Variants in UPK3A observed in about 807,000 individuals in gnomAD.
UPK3A encodes uroplakin-3a.
Under a neutral mutation model 27.6 loss-of-function variants are expected in UPK3A, and 32 were observed. That is an observed-to-expected ratio of 1.16 (90% CI 0.87 to 1.55). The LOEUF (loss-of-function observed/expected upper bound fraction) is 1.55. Among genes scored for constraint, UPK3A ranks in the 40% most tolerant of loss-of-function variants. The pLI is 0.00. For synonymous variants in UPK3A, 171 were observed against 163.9 expected (o/e 1.04, Z -0.33); for missense variants, 370 against 367.9 (o/e 1.01, Z -0.05).
intron 2 of UPK3A, among the ~76,000 whole-genome samples, chr22:45,286,723 C>G (rs2084120673): frequency 6.6e-6 from 1 of 152,162 alleles, no homozygotes; most frequent in African/African-American, 2.4e-5. Context: ...TCTCCGGGCA[C>G]TGTAGGGAAT....
At chr22:45,294,685 C>T (rs1055532747) in intron 5 of UPK3A, among the ~76,000 whole-genome samples, 1 of 152,136 alleles carries the variant, frequency 6.6e-6, no homozygotes, top group Non-Finnish European at 1.5e-5. Context: ...CCTAATCTGG[C>T]ACTGAAGACC....
At chr22:45,287,824 G>A (rs573532673) in intron 3 of UPK3A, among the ~76,000 whole-genome samples, 13 of 152,074 alleles carry the variant, frequency 8.5e-5, no homozygotes, top group African/African-American at 1.4e-4. Context: ...CACCATGCCC[G>A]GCTAATTTTT....
At chr22:45,288,953 C>T (rs1161878788) in intron 3 of UPK3A, 108 bp from the exon 4 acceptor site, 7 of 1,025,700 alleles carry the variant, frequency 6.8e-6, no homozygotes, top group Non-Finnish European at 1.1e-5. Context: ...CTGGAAGGGC[C>T]CCCGCTGCCG....
At position 45,287,553 on chromosome 22, in the gene UPK3A, A is replaced by G. The variant is rs2084128236; in HGVS notation, c.488+102A>G. 3.5e-6 allele frequency: 5 copies of G among 1,443,624 alleles called. No individual in the cohort carries two copies. In the East Asian group the frequency reaches 9.9e-5, roughly 29 times the overall value. 89.4% of individuals were successfully genotyped at this position (1,443,624 alleles called of 1,614,324 possible). ...GAGCAGCCACACTTCTTGAGAACTT[A>G]TATGCTGAGAACATCCCAGGTTCCA... On this transcript the variant is annotated intron_variant, in intron 3 of 5. Coordinates refer to ENST00000216211, the MANE Select transcript of UPK3A (RefSeq NM_006953.4).
rs550543247 is a variant in UPK3A, at chr22:45,293,045, A to T, written c.572-136A>T. The T allele has an allele frequency of 8.5e-6, 11 of 1,286,680 alleles. No individual in the cohort carries two copies. In the Admixed American group the frequency reaches 2.2e-4, roughly 26 times the overall value. The allele number at this position is 1,286,680 out of a possible 1,614,324, so 79.7% of individuals were successfully genotyped here. ...AAGGTAATTGTGCCTAAAACCTGAG[A>T]GAAGTCGCCCCACTGGGTCCCAGGG... On this transcript the variant is annotated intron_variant, in intron 4 of 5. Transcript: ENST00000216211.
intron 3 of UPK3A, among the ~76,000 whole-genome samples, chr22:45,288,453 C>T (rs575394791): frequency 6.6e-6 from 1 of 152,340 alleles, no homozygotes; most frequent in Admixed American, 6.5e-5. Context: ...CCGCCTCAGC[C>T]TCCCAAAGTG....
chr22:45,287,307 G>C lies in UPK3A; in HGVS notation c.344G>C (p.Ser115Thr). The change falls in exon 3 of 6, where the codon AGC (serine) becomes ACC (threonine). Residue 115 changes from serine (S) to threonine (T), a missense_variant. Ser to Thr is a moderately conservative substitution (Grantham distance 58). Transcript: ENST00000216211. ...FDLIPCSDLP[S>T]LDAIGDVSKA... ...CTGATCCCCTGCAGTGACCTGCCCA[G>C]CCTGGATGCCATTGGGGATGTGTCC... 1 of 1,614,226 alleles carries C rather than the reference G, an allele frequency of 6.2e-7. No homozygotes were observed. Among genetic ancestry groups the C allele is most frequent in the Non-Finnish European group, 8.5e-7 (1 of 1,180,036 alleles).
intron 3 of UPK3A, among the ~76,000 whole-genome samples, chr22:45,288,553 G>A (rs968846132): frequency 4.6e-5 from 7 of 152,008 alleles, no homozygotes; most frequent in Non-Finnish European, 7.4e-5. Flanking sequence ...GGCTGGTCTC[G>A]AGCCCCTGAC....
In UPK3A at chr22:45,289,078, T is replaced by A. The variant is rs1434361973; in HGVS notation, c.506T>A (p.Val169Asp). The change falls in exon 4 of 6, where the codon GTC becomes GAC. Residue 169 changes from valine (V) to aspartate (D), a missense_variant. By Grantham distance (152) the Val-to-Asp change is radical. Coordinates refer to ENST00000216211, the MANE Select transcript of UPK3A (RefSeq NM_006953.4). ...ATEYRFKYVL[V>D]NMSTGLVEDQ... ...CCTTCCAGGTTCAAGTATGTCCTGG[T>A]CAATATGTCCACGGGCTTGGTAGAG... The A allele has an allele frequency of 3.7e-6, 6 of 1,613,812 alleles. No individual in the cohort carries two copies. Among genetic ancestry groups the A allele is most frequent in the South Asian group, 1.1e-5 (1 of 91,076 alleles).
At chr22:45,288,264 C>T (rs1213612362) in intron 3 of UPK3A, among the ~76,000 whole-genome samples, 2 of 151,816 alleles carry the variant, frequency 1.3e-5, no homozygotes, top group Non-Finnish European at 2.9e-5. Context: ...GGTGCAATCT[C>T]GGCTCACCAC....
Position 45,286,102 on chromosome 22 carries a change from G to T in UPK3A, c.208+6G>T, listed in dbSNP as rs1601846505. 6.2e-7 allele frequency: 1 copy of T among 1,613,938 alleles called. No homozygotes were observed. Among genetic ancestry groups the T allele is most frequent in the Non-Finnish European group, 8.5e-7 (1 of 1,179,972 alleles). On this transcript the variant is annotated splice_donor_region_variant and intron_variant, in intron 2 of 5. Coordinates refer to ENST00000216211, the MANE Select transcript of UPK3A (RefSeq NM_006953.4). ...GTATGTCCTGGTCGACTCAGGTAAGGGTCCTGCTTCCCTCTGGCTACTCCA... is the reference window on the plus strand; with the variant it reads ...GTATGTCCTGGTCGACTCAGGTAAGTGTCCTGCTTCCCTCTGGCTACTCCA...
intron 4 of UPK3A, 60 bp downstream of exon 4, chr22:45,289,203 CACGGCGG>C (rs2084141776): frequency 8.3e-6 from 13 of 1,563,190 alleles, no homozygotes; most frequent in Non-Finnish European, 1.1e-5. Context: ...CGGGGCCAGC[CACGGCGG>C]TGAGAACCAA....
At position 45,295,553 on chromosome 22, in the gene UPK3A, T is replaced by C. The variant is rs371162760; in HGVS notation, c.705-7T>C. 2.2e-4 allele frequency: 349 copies of C among 1,613,942 alleles called. No individual in the cohort carries two copies. The highest frequency in any genetic ancestry group is 2.9e-4 in the Non-Finnish European group (339 of 1,180,028). Reference sequence around the variant, plus strand: ...CTAATCCTGGGTCTTTCCATCCCCTTGGACAGGGACATGGGGAGTTCTGAT... The same window carrying C: ...CTAATCCTGGGTCTTTCCATCCCCTCGGACAGGGACATGGGGAGTTCTGAT... On this transcript the variant is annotated splice_region_variant and splice_polypyrimidine_tract_variant and intron_variant, in intron 5 of 5. Transcript: ENST00000216211.
intron 5 of UPK3A, 100 bp downstream of exon 5, chr22:45,293,413 C>G (rs2084175485): frequency 6.6e-7 from 1 of 1,510,266 alleles, no homozygotes; most frequent in East Asian, 2.3e-5. Flanking sequence ...CAGGGGACAG[C>G]CCGGAAGGCA....
At position 45,291,276 on chromosome 22, in the gene UPK3A, G is replaced by C. The variant is rs563834464; in HGVS notation, c.572-1905G>C. On this transcript the variant is annotated intron_variant, in intron 4 of 5. Coordinates refer to ENST00000216211, the MANE Select transcript of UPK3A (RefSeq NM_006953.4). ...TGTGAGAGTGTGTGTGGTGTGGGTG[G>C]TGTATGTGGTGTGTGGTGGGGGTGT... 2.7e-5 allele frequency among the ~76,000 whole-genome samples: 4 copies of C among 148,552 alleles called. No individual in the cohort carries two copies. In the East Asian group the frequency reaches 8.1e-4, roughly 30 times the overall value.
chr22:45,292,898 A>T (rs528378587), intron 4 of UPK3A, among the ~76,000 whole-genome samples: 2 of 151,438 alleles, frequency 1.3e-5, no homozygotes, highest in African/African-American at 4.9e-5. Context: ...ACAGAGCAAG[A>T]CTCTGTCTCA....
At chr22:45,288,052 C>G (rs923010383) in intron 3 of UPK3A, among the ~76,000 whole-genome samples, 1 of 152,170 alleles carries the variant, frequency 6.6e-6, no homozygotes, top group African/African-American at 2.4e-5. Context: ...CCTGGCCCAT[C>G]TACGTGTGTG....
intron 3 of UPK3A, 102 bp from the exon 4 acceptor site, chr22:45,288,959 T>A (rs1452003033): frequency 3.6e-6 from 4 of 1,107,110 alleles, no homozygotes; most frequent in Non-Finnish European, 5.4e-6. Flanking sequence ...GGGCCCCCGC[T>A]GCCGTCTCCC....
intron 5 of UPK3A, among the ~76,000 whole-genome samples, 183 bp downstream of exon 5, chr22:45,293,496 G>A (rs1246624341): frequency 6.6e-6 from 1 of 152,110 alleles, no homozygotes; most frequent in South Asian, 2.1e-4. Flanking sequence ...CAAAGCGGGA[G>A]GATCATCAAA....
Sources: allele counts gnomAD v4.1 joint callset (sites outside exome capture counted in the v4.1 genomes callset), GRCh38; gene constraint gnomAD v4.1.1; transcripts MANE v1.5; gene names NCBI Gene and HGNC (gene_info 2026-07-23, HGNC 2026-07-21).